AP4S1: variants seen among roughly 807,000 people sequenced by gnomAD.
AP4S1 encodes the protein AP-4 complex subunit sigma-1.
AP4S1 carries 23 observed loss-of-function variants against 19.8 expected under a neutral mutation model. The ratio of observed to expected loss-of-function variants is 1.16; its 90% CI spans 0.84 to 1.65. The LOEUF is 1.65. Ranked by LOEUF, AP4S1 falls within the 40% of genes most tolerant of loss-of-function variation. The probability of loss-of-function intolerance (pLI) is 0.00; values close to 1 mark genes in which losing one functional copy is unlikely to be tolerated. For synonymous variants in AP4S1, 46 were observed against 54.1 expected (o/e 0.85, Z 0.66); for missense variants, 166 against 172.8 (o/e 0.96, Z 0.22).
At chr14:31,026,794 G>T (rs1417973327) in intron 1 of AP4S1, 1 of 152,372 alleles carries the variant, frequency 6.6e-6, no homozygotes, top group Non-Finnish European at 1.5e-5. Context: ...TTTCTGAGCT[G>T]GTTGTTAACC....
At position 31,054,867 on chromosome 14, in the gene AP4S1, C is replaced by CAAAAA. The variant is rs1162029946; in HGVS notation, c.-71-11234_-71-11230dup. Among the ~76,000 whole-genome samples, 17 of 46,398 alleles carry CAAAAA rather than the reference C, an allele frequency of 3.7e-4. 1 individual carries two copies. The highest frequency in any genetic ancestry group is 3.0e-3 in the South Asian group (2 of 676). 30.4% of individuals were successfully genotyped at this position (46,398 alleles called of 152,430 possible). On this transcript the variant is annotated intron_variant, in intron 1 of 5. Coordinates refer to ENST00000542754, the MANE Select transcript of AP4S1 (RefSeq NM_001128126.3). ...TGGGTGATAGAGCAAGACTCTGTCTCAAAAAAAAAAAAAAAAAAAAAAAAA... is the reference window on the plus strand; with the variant it reads ...TGGGTGATAGAGCAAGACTCTGTCTCAAAAAAAAAAAAAAAAAAAAAAAAAAAAAA...
At chr14:31,065,696 T>C (rs1886675676) in intron 1 of AP4S1, among the ~76,000 whole-genome samples, 1 of 152,232 alleles carries the variant, frequency 6.6e-6, no homozygotes, top group African/African-American at 2.4e-5. Context: ...GGTTTTGCTC[T>C]GTTGCCCAGG....
At chr14:31,046,922 G>C (rs933109774) in intron 1 of AP4S1, among the ~76,000 whole-genome samples, 9 of 151,576 alleles carry the variant, frequency 5.9e-5, no homozygotes, top group African/African-American at 1.7e-4. Flanking sequence ...TTTGGAAACT[G>C]CCGATTTGTT....
intron 1 of AP4S1, among the ~76,000 whole-genome samples, chr14:31,050,537 T>C (rs985120529): frequency 6.6e-5 from 10 of 152,184 alleles, no homozygotes; most frequent in Admixed American, 6.6e-4. Flanking sequence ...CTCAAACTCC[T>C]GGCCTCAAGC....
intron 1 of AP4S1, among the ~76,000 whole-genome samples, chr14:31,039,702 T>C (rs1209438657): frequency 6.6e-6 from 1 of 151,326 alleles, no homozygotes; most frequent in Non-Finnish European, 1.5e-5. Flanking sequence ...GCCATTCTCC[T>C]GCCTCAGCCT....
rs1488994778 is a variant in AP4S1 at position 31,094,857 on chromosome 14, A to T, written c.*1822A>T. On this transcript the variant is annotated 3_prime_UTR_variant, in exon 6 of 6. Transcript: ENST00000542754. ...TGGCAAAACCTTGTCTCTACTAAAA[A>T]TACAAAAAGTTAGCCAGGCATGGTG... The T allele has an allele frequency of 6.6e-6, 1 of 152,284 alleles. No homozygotes were observed. The highest frequency in any genetic ancestry group is 2.4e-5 in the African/African-American group (1 of 41,468). 9.4% of individuals were successfully genotyped at this position (152,284 alleles called of 1,614,324 possible). A position where few individuals can be genotyped will look rare whatever the true frequency, so the allele number is the denominator to read the frequency against.
chr14:31,053,689 A>G (rs904567412), intron 1 of AP4S1, among the ~76,000 whole-genome samples: 2 of 136,312 alleles, frequency 1.5e-5, no homozygotes, highest in Admixed American at 8.7e-5. Flanking sequence ...TCCTGCCTCA[A>G]CCTCTCAAGT....
chr14:31,092,988 A>G lies in AP4S1; in HGVS notation c.388A>G (p.Arg130Gly). 1 of 1,549,106 alleles carries G rather than the reference A, an allele frequency of 6.5e-7. No individual in the cohort carries two copies. Among genetic ancestry groups the G allele is most frequent in the Non-Finnish European group, 8.7e-7 (1 of 1,146,700 alleles). Residue 130 changes from arginine (R) to glycine (G), a missense_variant, in exon 6 of 6, where the codon AGA (arginine) becomes GGA (glycine). Arg to Gly is a moderately radical substitution (Grantham distance 125). Coordinates refer to ENST00000542754, the MANE Select transcript of AP4S1 (RefSeq NM_001128126.3). ...NGCIVETNRA[R>G]ILAPLLILDK... ...CTGCATTGTGGAAACTAACAGGGCA[A>G]GAATTCTTGCCCCTCTACTAATTCT... is the stretch of plus-strand genomic sequence containing the variant.
intron 1 of AP4S1, among the ~76,000 whole-genome samples, chr14:31,049,051 C>T (rs935873367): frequency 2.0e-5 from 3 of 151,630 alleles, no homozygotes; most frequent in African/African-American, 7.3e-5. Flanking sequence ...GAGTTCAAGA[C>T]CAGCCTGGCC....
intron 1 of AP4S1, chr14:31,027,043 T>C (rs1202841776): frequency 6.6e-6 from 1 of 151,582 alleles, no homozygotes; most frequent in African/African-American, 2.4e-5. Context: ...TTCTATGCGC[T>C]CGGTCGCCCG....
intron 1 of AP4S1, among the ~76,000 whole-genome samples, chr14:31,063,350 A>T (rs2139557291): frequency 6.6e-6 from 1 of 152,196 alleles, no homozygotes; most frequent in East Asian, 1.9e-4. Context: ...GAATCGCTTG[A>T]ACCCAGGAGG....
At chr14:31,080,774 A>G in intron 5 of AP4S1, 190 bp downstream of exon 5, 2 of 771,998 alleles carry the variant, frequency 2.6e-6, no homozygotes, top group Non-Finnish European at 4.5e-6. Flanking sequence ...CTGCTTCAAC[A>G]AGGCGATTCT....
At chr14:31,068,143 C>T (rs551071327) in intron 2 of AP4S1, among the ~76,000 whole-genome samples, 237 of 152,352 alleles carry the variant, frequency 1.6e-3, no homozygotes, top group African/African-American at 5.0e-3. Flanking sequence ...GCTGGGATTA[C>T]AGGCATGAGC....
At chr14:31,062,760 G>A (rs998760643) in intron 1 of AP4S1, among the ~76,000 whole-genome samples, 2 of 151,674 alleles carry the variant, frequency 1.3e-5, no homozygotes, top group Non-Finnish European at 2.9e-5. Flanking sequence ...GAGGTCAGGA[G>A]ATCAAGACCA....
chr14:31,035,477 A>T (rs536328731), intron 1 of AP4S1, among the ~76,000 whole-genome samples: 1 of 151,692 alleles, frequency 6.6e-6, no homozygotes. Flanking sequence ...AGGTGTAAGC[A>T]ACCACGCCCA....
intron 3 of AP4S1, among the ~76,000 whole-genome samples, chr14:31,070,473 C>G (rs1383618074): frequency 6.6e-6 from 1 of 152,070 alleles, no homozygotes; most frequent in African/African-American, 2.4e-5. Context: ...GCCTAGAACT[C>G]CTGACTTCAA....
chr14:31,052,270 G>A (rs185285907), intron 1 of AP4S1, among the ~76,000 whole-genome samples: 1 of 150,084 alleles, frequency 6.7e-6, no homozygotes, highest in Non-Finnish European at 1.5e-5. Context: ...AGACCCTCTC[G>A]GGGAAAAAAA....
intron 2 of AP4S1, among the ~76,000 whole-genome samples, chr14:31,067,771 G>A (rs911591314): frequency 2.0e-5 from 3 of 151,790 alleles, no homozygotes; most frequent in Non-Finnish European, 4.4e-5. Flanking sequence ...TGCCTGCCTC[G>A]GCCTCCTAAA....
intron 1 of AP4S1, among the ~76,000 whole-genome samples, chr14:31,028,596 TACACAC>T (rs112174443): frequency 6.7e-6 from 1 of 149,026 alleles, no homozygotes; most frequent in Non-Finnish European, 1.5e-5. Context: ...TACACACACA[TACACAC>T]ACACACACAC....
Sources: gnomAD v4.1 joint callset for allele counts (sites outside exome capture counted in the v4.1 genomes callset) on GRCh38, gnomAD v4.1.1 for gene constraint, MANE v1.5 for transcripts, NCBI Gene and HGNC (gene_info 2026-07-23, HGNC 2026-07-21) for gene names.